The following NOS1AP variants were observed in gnomAD, a reference collection of about 807,000 sequenced individuals.
The protein encoded by NOS1AP is nitric oxide synthase 1 adaptor protein, also known as carboxyl-terminal PDZ ligand of neuronal nitric oxide synthase protein.
A neutral mutation model predicts 56.2 loss-of-function variants in NOS1AP; 21 were observed. That is an observed-to-expected ratio of 0.37 (90% CI 0.26 to 0.54). The LOEUF is 0.54. Ranked by LOEUF, NOS1AP falls within the 20% of genes least tolerant of loss-of-function variation. The pLI is 0.84. For missense variants in NOS1AP, 522 were observed against 657.8 expected (o/e 0.79, Z 2.26); for synonymous variants, 270 against 274.6 (o/e 0.98, Z 0.17).
rs539292448 is a variant in NOS1AP at position 162,356,888 on chromosome 1, T to A, written c.763-72T>A. The A allele has an allele frequency of 3.1e-6, 5 of 1,610,954 alleles. No individual in the cohort carries two copies. The Admixed American group carries it at 8.3e-5, about 27-fold the overall frequency. ...TGCCAATTTGCTCCTCCTGAGTGCA[T>A]GCCAAAGAGAGGGAGGCCCCTCAAG... On this transcript the variant is annotated intron_variant, in intron 7 of 9. Transcript: ENST00000361897.
intron 2 of NOS1AP, among the ~76,000 whole-genome samples, chr1:162,199,672 C>T (rs1444683714): frequency 6.7e-6 from 1 of 149,326 alleles, no homozygotes; most frequent in African/African-American, 2.5e-5. Context: ...ATCCTCCTGC[C>T]CTGACAAGAA....
At chr1:162,147,341 A>G (rs548669152) in intron 1 of NOS1AP, among the ~76,000 whole-genome samples, 1 of 152,078 alleles carries the variant, frequency 6.6e-6, no homozygotes, top group East Asian at 1.9e-4. Flanking sequence ...CAAAAAAAAA[A>G]AAAAAAAAAA....
At chr1:162,181,369 A>G (rs1184244752) in intron 2 of NOS1AP, among the ~76,000 whole-genome samples, 1 of 152,242 alleles carries the variant, frequency 6.6e-6, no homozygotes, top group Non-Finnish European at 1.5e-5. Flanking sequence ...TCATGTTATT[A>G]TGTAGTGATG....
chr1:162,116,575 T>C (rs566476348), intron 1 of NOS1AP, among the ~76,000 whole-genome samples: 1 of 152,172 alleles, frequency 6.6e-6, no homozygotes, highest in Non-Finnish European at 1.5e-5. Context: ...TATGATAGAT[T>C]CGTAGTATGT....
intron 8 of NOS1AP, among the ~76,000 whole-genome samples, chr1:162,358,275 G>T (rs757661717): frequency 6.6e-6 from 1 of 152,094 alleles, no homozygotes; most frequent in Non-Finnish European, 1.5e-5. Flanking sequence ...GGCATCCGGC[G>T]TCCTGGCCAT....
At chr1:162,276,769 T>A (rs1654745773) in intron 2 of NOS1AP, among the ~76,000 whole-genome samples, 1 of 152,214 alleles carries the variant, frequency 6.6e-6, no homozygotes. Flanking sequence ...CCCTCCATTC[T>A]GGGAACTTGT....
At chr1:162,148,328 G>C (rs1423828971) in intron 1 of NOS1AP, among the ~76,000 whole-genome samples, 1 of 152,206 alleles carries the variant, frequency 6.6e-6, no homozygotes, top group Non-Finnish European at 1.5e-5. Context: ...GGCACGGTCA[G>C]CTAGTGATGA....
intron 1 of NOS1AP, among the ~76,000 whole-genome samples, chr1:162,121,453 G>A (rs77318228): frequency 0.075 from 11,464 of 152,072 alleles, 530 homozygotes; most frequent in African/African-American, 0.13. Flanking sequence ...TTCTCATTGT[G>A]CAAACCAGGA....
chr1:162,224,279 T>C (rs1327481555), intron 2 of NOS1AP, among the ~76,000 whole-genome samples: 1 of 152,218 alleles, frequency 6.6e-6, no homozygotes, highest in Non-Finnish European at 1.5e-5. Context: ...TATTGCCTGC[T>C]TTTTTATTCA....
At chr1:162,287,225 A>T in intron 2 of NOS1AP, 119 bp from the exon 3 acceptor site, 1 of 723,056 alleles carries the variant, frequency 1.4e-6, no homozygotes, top group Non-Finnish European at 2.5e-6. Flanking sequence ...CCCTGCCCCC[A>T]GGAGCTATTC....
intron 1 of NOS1AP, among the ~76,000 whole-genome samples, chr1:162,098,385 G>C (rs577540947): frequency 6.6e-6 from 1 of 151,976 alleles, no homozygotes; most frequent in African/African-American, 2.4e-5. Flanking sequence ...GGGATTACAG[G>C]TGTGAGCCAC....
At chr1:162,266,732 C>T (rs1654436174) in intron 2 of NOS1AP, among the ~76,000 whole-genome samples, 1 of 152,164 alleles carries the variant, frequency 6.6e-6, no homozygotes, top group South Asian at 2.1e-4. Flanking sequence ...TGAATGCTAG[C>T]TTTCTGTTAT....
At chr1:162,259,799 A>G (rs1390588780) in intron 2 of NOS1AP, among the ~76,000 whole-genome samples, 2 of 152,224 alleles carry the variant, frequency 1.3e-5, no homozygotes, top group Admixed American at 6.5e-5. Context: ...TCTGGCTTAC[A>G]TAAGGTAGAG....
intron 2 of NOS1AP, among the ~76,000 whole-genome samples, chr1:162,161,103 G>A (rs556082407): frequency 2.2e-4 from 34 of 152,128 alleles, no homozygotes; most frequent in Non-Finnish European, 3.2e-4. Flanking sequence ...CACCTCCATC[G>A]CCTTTGGTTA....
At chr1:162,210,154 G>C (rs1409674861) in intron 2 of NOS1AP, among the ~76,000 whole-genome samples, 1 of 152,296 alleles carries the variant, frequency 6.6e-6, no homozygotes, top group Non-Finnish European at 1.5e-5. Flanking sequence ...AGGCTCTGAG[G>C]GGGAGAGAGT....
At chr1:162,144,549 C>T (rs1395728120) in intron 1 of NOS1AP, among the ~76,000 whole-genome samples, 1 of 145,748 alleles carries the variant, frequency 6.9e-6, no homozygotes, top group Non-Finnish European at 1.5e-5. Flanking sequence ...TATCCCTTTG[C>T]CTCACACCAT....
chr1:162,289,288 T>C (rs918655213), intron 3 of NOS1AP, among the ~76,000 whole-genome samples: 69 of 137,950 alleles, frequency 5.0e-4, no homozygotes, highest in African/African-American at 1.7e-3. Flanking sequence ...TTTCCTTCCT[T>C]CCTTCTTCCT....
At chr1:162,237,164 G>T (rs537677963) in intron 2 of NOS1AP, among the ~76,000 whole-genome samples, 1 of 152,284 alleles carries the variant, frequency 6.6e-6, no homozygotes, top group East Asian at 1.9e-4. Flanking sequence ...AAGAGCTTCA[G>T]GCTGAAAGTC....
intron 1 of NOS1AP, among the ~76,000 whole-genome samples, chr1:162,078,888 G>C (rs1190670162): frequency 2.6e-5 from 4 of 152,152 alleles, no homozygotes; most frequent in African/African-American, 7.2e-5. Flanking sequence ...TTGTATTAGA[G>C]CTGCTTGTCC....
Sources: allele counts gnomAD v4.1 joint callset (sites outside exome capture counted in the v4.1 genomes callset), GRCh38; gene constraint gnomAD v4.1.1; transcripts MANE v1.5; gene names NCBI Gene and HGNC (gene_info 2026-07-23, HGNC 2026-07-21).